UTS2B: variants seen among roughly 807,000 people sequenced by gnomAD.
UTS2B encodes urotensin-2B.
A neutral mutation model predicts 19.2 loss-of-function variants in UTS2B; 21 were observed. That is an observed-to-expected ratio of 1.09 (90% confidence interval 0.78 to 1.58). The LOEUF (loss-of-function observed/expected upper bound fraction) is 1.58, where lower values mean the gene tolerates loss of function less well. Among genes scored for constraint, UTS2B ranks in the 40% most tolerant of loss-of-function variants. The pLI is 0.00. For missense variants in UTS2B, 138 were observed against 130.3 expected (o/e 1.06, Z -0.29); for synonymous variants, 57 against 50.2 (o/e 1.14, Z -0.58).
chr3:191,309,835 G>A (rs778604984), intron 3 of UTS2B, among the ~76,000 whole-genome samples: 28 of 152,136 alleles, frequency 1.8e-4, no homozygotes, highest in Non-Finnish European at 3.1e-4. Context: ...GTTCCCTGAG[G>A]CCTCTCCACA....
chr3:191,269,480 C>T (rs1387778661), intron 8 of UTS2B, among the ~76,000 whole-genome samples: 1 of 151,800 alleles, frequency 6.6e-6, no homozygotes, highest in Non-Finnish European at 1.5e-5. Context: ...CCACTAATCT[C>T]ACCTTCTTCT....
At chr3:191,285,021 G>T (rs1223908034) in intron 4 of UTS2B, among the ~76,000 whole-genome samples, 1 of 152,162 alleles carries the variant, frequency 6.6e-6, no homozygotes, top group Non-Finnish European at 1.5e-5. Context: ...GTAGAAGTAA[G>T]TACACAGTCA....
the UTS2B span, among the ~76,000 whole-genome samples, chr3:191,336,367 G>A: frequency 5.3e-5 from 8 of 151,946 alleles, no homozygotes; most frequent in African/African-American, 1.9e-4. Context: ...AACCATTTGA[G>A]CAAGTGTGTC....
upstream of UTS2B, among the ~76,000 whole-genome samples, chr3:191,332,377 C>G (rs1718018958): frequency 6.6e-6 from 1 of 152,110 alleles, no homozygotes; most frequent in African/African-American, 2.4e-5. Flanking sequence ...TGATTGAGTT[C>G]ATATGTAGGT....
intron 1 of UTS2B, chr3:191,329,656 A>C (rs565556736): frequency 1.2e-6 from 2 of 1,605,692 alleles, no homozygotes; most frequent in Admixed American, 1.7e-5. Flanking sequence ...TAAAGGGGCA[A>C]CCGGGACCCT....
rs546220518 is a variant in UTS2B at position 191,278,322 on chromosome 3, T to G, written c.104-152A>C. The G allele has an allele frequency of 4.5e-5, 21 of 469,924 alleles. 1 individual carries two copies. The South Asian group carries it at 7.4e-4, about 17-fold the overall frequency. The allele number at this position is 469,924 out of a possible 1,614,324, so 29.1% of individuals were successfully genotyped here. On this transcript the variant is annotated intron_variant, in intron 5 of 8. Transcript: ENST00000340524. Reference sequence around the variant, plus strand: ...CTGAAGGGATGGGTAATTTAAGAAATTATTGAATATATATTGAATGAATAT... The same window carrying G: ...CTGAAGGGATGGGTAATTTAAGAAAGTATTGAATATATATTGAATGAATAT...
In UTS2B at chr3:191,316,127, C is replaced by T. The variant is rs899936608; in HGVS notation, c.-273G>A. ...TGGCAATCAGCTAGATGTCAGCTGTCAGCTGGGAGCTCCATTATGTTGGCT... is the reference window on the plus strand; with the variant it reads ...TGGCAATCAGCTAGATGTCAGCTGTTAGCTGGGAGCTCCATTATGTTGGCT... On this transcript the variant is annotated 5_prime_UTR_variant, in exon 3 of 9. Transcript: ENST00000340524. 3 of 152,216 alleles carry T rather than the reference C, an allele frequency of 2.0e-5. No homozygotes were observed. Among genetic ancestry groups the T allele is most frequent in the African/African-American group, 2.4e-5 (1 of 41,444 alleles). The allele number at this position is 152,216 out of a possible 1,614,324, so 9.4% of individuals were successfully genotyped here.
At chr3:191,341,799 T>G in the UTS2B span, among the ~76,000 whole-genome samples, 1 of 152,264 alleles carries the variant, frequency 6.6e-6, no homozygotes, top group Non-Finnish European at 1.5e-5. Context: ...AAAATCTATG[T>G]GTAACTCCCT....
chr3:191,323,487 C>T (rs894728355), intron 2 of UTS2B, among the ~76,000 whole-genome samples: 6 of 152,114 alleles, frequency 3.9e-5, no homozygotes, highest in South Asian at 2.1e-4. Flanking sequence ...TTTATTTTCT[C>T]GCAAATCTAA....
Position 191,282,167 on chromosome 3 carries a change from G to A in UTS2B, c.23C>T (p.Thr8Ile), listed in dbSNP as rs777026707. Residue 8 changes from threonine to isoleucine, a missense_variant, in exon 5 of 9, where the codon ACT becomes ATT. Transcript: ENST00000340524. ...CAAAGTTAGGAGTCCAAAGCAAACA[G>A]TGCTTGAGAGGATCTTGTTCATGTT... is the stretch of plus-strand genomic sequence containing the variant. MNKILSS[T>I]VCFGLLTLLS... 5 of 1,612,780 alleles carry A rather than the reference G, an allele frequency of 3.1e-6. No individual in the cohort carries two copies. The South Asian group carries it at 3.3e-5, about 11-fold the overall frequency.
chr3:191,293,543 G>T (rs1454952890), intron 4 of UTS2B, among the ~76,000 whole-genome samples: 1 of 151,630 alleles, frequency 6.6e-6, no homozygotes, highest in Non-Finnish European at 1.5e-5. Context: ...ATATTCCTTT[G>T]TAACTATTTT....
rs1413369216 is a variant in UTS2B at position 191,316,367 on chromosome 3, G to C, written c.-513C>G. 1 of 152,440 alleles carries C rather than the reference G, an allele frequency of 6.6e-6. No homozygotes were observed. The highest frequency in any genetic ancestry group is 1.5e-5 in the Non-Finnish European group (1 of 68,242). The allele number at this position is 152,440 out of a possible 1,614,324, so 9.4% of individuals were successfully genotyped here. On this transcript the variant is annotated 5_prime_UTR_variant, in exon 3 of 9. Transcript: ENST00000340524. ...TCTCTCTGGTTTCAAGAGTGAAGCT[G>C]CAGACCTTCGCGGTGAGTGCTACAG... is the stretch of plus-strand genomic sequence containing the variant.
At chr3:191,320,375 T>G (rs190920880) in intron 2 of UTS2B, among the ~76,000 whole-genome samples, 6 of 152,288 alleles carry the variant, frequency 3.9e-5, no homozygotes, top group African/African-American at 1.4e-4. Flanking sequence ...TTGGTCAATA[T>G]GAGGACAGGG....
At chr3:191,310,828 A>G (rs1228229878) in intron 3 of UTS2B, among the ~76,000 whole-genome samples, 1 of 152,230 alleles carries the variant, frequency 6.6e-6, no homozygotes, top group Admixed American at 6.5e-5. Context: ...TGATCAAAAA[A>G]GTGCTGCTAA....
rs367565401 is a variant in UTS2B at position 191,290,811 on chromosome 3, C to T, written c.-124-8498G>A. ...TTCACTTGCATCTGACTATTTCTCA[C>T]GATGAGTGACAAGAAAAGCACAGAT... On this transcript the variant is annotated intron_variant, in intron 4 of 8. Coordinates refer to ENST00000340524, the MANE Select transcript of UTS2B (RefSeq NM_198152.5). 1.1e-4 allele frequency among the ~76,000 whole-genome samples: 16 copies of T among 152,306 alleles called. No homozygotes were observed. In the South Asian group the frequency reaches 3.1e-3, roughly 30 times the overall value.
chr3:191,272,575 G>C (rs1195494993), intron 8 of UTS2B, among the ~76,000 whole-genome samples: 2 of 152,146 alleles, frequency 1.3e-5, no homozygotes, highest in African/African-American at 4.8e-5. Flanking sequence ...ATGAAGAGTA[G>C]CTTGGCTGGG....
chr3:191,289,187 A>G (rs1319374057), intron 4 of UTS2B, among the ~76,000 whole-genome samples: 1 of 152,114 alleles, frequency 6.6e-6, no homozygotes, highest in Non-Finnish European at 1.5e-5. Flanking sequence ...AGGTGGGTGG[A>G]TCACGAAGTC....
intron 2 of UTS2B, among the ~76,000 whole-genome samples, chr3:191,325,981 A>G (rs1010124055): frequency 6.6e-6 from 1 of 152,192 alleles, no homozygotes; most frequent in Admixed American, 6.5e-5. Context: ...GTGAAAGTGA[A>G]TAACAGTTCT....
chr3:191,301,548 G>A (rs894189016), intron 4 of UTS2B, among the ~76,000 whole-genome samples: 1 of 144,604 alleles, frequency 6.9e-6, no homozygotes, highest in Admixed American at 7.2e-5. Flanking sequence ...GTGCAGTGGT[G>A]TGATCTCGGC....
Sources: gnomAD v4.1 joint callset for allele counts (sites outside exome capture counted in the v4.1 genomes callset) on GRCh38, gnomAD v4.1.1 for gene constraint, MANE v1.5 for transcripts, NCBI Gene and HGNC (gene_info 2026-07-23, HGNC 2026-07-21) for gene names.